The following PRKN variants were observed in gnomAD, a reference collection of about 807,000 sequenced individuals.
PRKN encodes the protein parkin RBR E3 ubiquitin protein ligase.
Under a neutral mutation model 59.5 loss-of-function variants are expected in PRKN, and 56 were observed. The ratio of observed to expected loss-of-function variants is 0.94; its 90% CI spans 0.76 to 1.18. PRKN has a LOEUF of 1.18. PRKN is among the 50% of genes most tolerant of loss of function. The probability of loss-of-function intolerance (pLI) is 0.00; values close to 1 mark genes in which losing one functional copy is unlikely to be tolerated. For synonymous variants in PRKN, 250 were observed against 222.1 expected, an observed-to-expected ratio of 1.13 and a Z score of -1.12; for missense variants, 657 against 596.4, an observed-to-expected ratio of 1.10 and a Z score of -1.06.
rs1053567659 is a variant in PRKN, at chr6:161,480,348, C to T, written c.1083+68506G>A. Among the ~76,000 whole-genome samples, 13 of 151,978 alleles carry T rather than the reference C, an allele frequency of 8.6e-5. No individual in the cohort carries two copies. Among genetic ancestry groups the T allele is most frequent in the African/African-American group, 3.1e-4 (13 of 41,330 alleles). On this transcript the variant is annotated intron_variant, in intron 9 of 11. Transcript: ENST00000366898. This position sits in a 1 kb window ranked among gnomAD's most constrained non-coding sequence, Gnocchi z 4.1. ...TATGGGGCCCTGTGAGTATGGGGCCCTGTGTGACTGTACAGGTCGCACACT... is the reference window on the plus strand; with the variant it reads ...TATGGGGCCCTGTGAGTATGGGGCCTTGTGTGACTGTACAGGTCGCACACT...
chr6:162,130,144 A>G (rs1460648393), intron 4 of PRKN, among the ~76,000 whole-genome samples: 3 of 151,994 alleles, frequency 2.0e-5, no homozygotes, highest in Admixed American at 6.6e-5. Context: ...GGAATCTACC[A>G]CTCTGCAGCC....
chr6:162,296,498 A>G (rs1207514211), intron 2 of PRKN, among the ~76,000 whole-genome samples: 1 of 151,984 alleles, frequency 6.6e-6, no homozygotes, highest in Non-Finnish European at 1.5e-5. Context: ...GAGCTGCCTG[A>G]CTTCCCACTC....
chr6:162,391,809 T>C (rs1218328339), intron 2 of PRKN, among the ~76,000 whole-genome samples: 1 of 152,190 alleles, frequency 6.6e-6, no homozygotes, highest in East Asian at 1.9e-4. Flanking sequence ...GTTTCACACT[T>C]TTTTAACATA....
chr6:161,833,122 G>C (rs1206997787), intron 6 of PRKN, among the ~76,000 whole-genome samples: 1 of 152,136 alleles, frequency 6.6e-6, no homozygotes, highest in Non-Finnish European at 1.5e-5. Context: ...CCGGGAGGAA[G>C]GAGACGGAGC....
intron 3 of PRKN, among the ~76,000 whole-genome samples, chr6:162,211,790 A>G (rs922524781): frequency 6.6e-6 from 1 of 152,214 alleles, no homozygotes; most frequent in African/African-American, 2.4e-5. Flanking sequence ...CAAATAAGAC[A>G]AAACATTCAA....
chr6:161,845,224 GC>G (rs1793151243), intron 6 of PRKN, among the ~76,000 whole-genome samples: 1 of 152,208 alleles, frequency 6.6e-6, no homozygotes, highest in Non-Finnish European at 1.5e-5. Context: ...ACCAGTAGAT[GC>G]CCAGGACAGC....
chr6:161,735,225 C>T (rs1034593974), intron 7 of PRKN, among the ~76,000 whole-genome samples: 1 of 151,982 alleles, frequency 6.6e-6, no homozygotes, highest in Non-Finnish European at 1.5e-5. Flanking sequence ...ACAAGTCCCC[C>T]TCATGTGGAT....
intron 9 of PRKN, among the ~76,000 whole-genome samples, chr6:161,464,242 G>A (rs191285886): frequency 1.1e-3 from 175 of 152,212 alleles, no homozygotes; most frequent in Admixed American, 2.9e-3. Context: ...TTATACTCCC[G>A]ACCTCAGGTA....
chr6:162,671,119 C>A (rs987394010), intron 1 of PRKN, among the ~76,000 whole-genome samples: 6 of 152,086 alleles, frequency 3.9e-5, no homozygotes, highest in African/African-American at 9.7e-5. Context: ...ACCAGAAAAC[C>A]AGTTAATGGA....
chr6:162,431,043 A>G (rs1456045639), intron 2 of PRKN, among the ~76,000 whole-genome samples: 1 of 152,080 alleles, frequency 6.6e-6, no homozygotes, highest in Non-Finnish European at 1.5e-5. Context: ...CGCCGCCTTC[A>G]GTGTTATTAT....
chr6:161,433,336 C>T (rs562564348), intron 9 of PRKN, among the ~76,000 whole-genome samples: 6 of 152,228 alleles, frequency 3.9e-5, no homozygotes, highest in African/African-American at 1.4e-4. Context: ...TTTTGTTTAA[C>T]AAGTAGTCAA....
chr6:162,426,205 A>G (rs1789230625), intron 2 of PRKN, among the ~76,000 whole-genome samples: 1 of 152,226 alleles, frequency 6.6e-6, no homozygotes, highest in Non-Finnish European at 1.5e-5. Flanking sequence ...ATAGTAATAT[A>G]ACAACGTAGT....
At chr6:161,611,539 T>C (rs968218603) in intron 7 of PRKN, among the ~76,000 whole-genome samples, 15 of 152,186 alleles carry the variant, frequency 9.9e-5, no homozygotes, top group African/African-American at 3.1e-4. Context: ...GATGTTACCA[T>C]TGTGATTGTT....
In PRKN at chr6:162,558,327, C is replaced by CTT. The variant is rs71278562; in HGVS notation, c.8-114856_8-114855dup. Among the ~76,000 whole-genome samples, 19 of 132,740 alleles carry CTT rather than the reference C, an allele frequency of 1.4e-4. 1 individual carries two copies. The highest frequency in any genetic ancestry group is 2.3e-4 in the East Asian group (1 of 4,416). The allele number at this position is 132,740 out of a possible 152,430, so 87.1% of individuals were successfully genotyped here. A position where few individuals can be genotyped will look rare whatever the true frequency, so the allele number is the denominator to read the frequency against. ...TTTTAAGCAAATGCTTTAATTTTCC[C>CTT]TTTTTTTTTTTTTTTTTCTGAGACG... On this transcript the variant is annotated intron_variant, in intron 1 of 11. Coordinates refer to ENST00000366898, the MANE Select transcript of PRKN (RefSeq NM_004562.3).
intron 11 of PRKN, among the ~76,000 whole-genome samples, chr6:161,351,570 C>T (rs1784554577): frequency 6.6e-6 from 1 of 152,108 alleles, no homozygotes; most frequent in Admixed American, 6.6e-5. Context: ...AGTCATCCTC[C>T]CGCCTCGGCC....
chr6:161,617,150 C>T (rs757386053), intron 7 of PRKN, among the ~76,000 whole-genome samples: 1 of 152,162 alleles, frequency 6.6e-6, no homozygotes, highest in Non-Finnish European at 1.5e-5. Flanking sequence ...TTCATTTCTC[C>T]AATGACCAGT....
intron 4 of PRKN, among the ~76,000 whole-genome samples, chr6:162,100,634 G>T (rs1430601823): frequency 6.6e-6 from 1 of 151,906 alleles, no homozygotes; most frequent in Non-Finnish European, 1.5e-5. Context: ...TACAGAGAGG[G>T]TTTTGCCATT....
chr6:162,114,238 C>G (rs1207192730), intron 4 of PRKN, among the ~76,000 whole-genome samples: 1 of 152,042 alleles, frequency 6.6e-6, no homozygotes, highest in Admixed American at 6.6e-5. Flanking sequence ...GTATTGTTTT[C>G]CAATTCTGTG....
At chr6:162,288,987 T>G (rs1781313747) in intron 2 of PRKN, among the ~76,000 whole-genome samples, 1 of 152,244 alleles carries the variant, frequency 6.6e-6, no homozygotes, top group South Asian at 2.1e-4. Context: ...GTCTGTAGGG[T>G]TTTACTACAA....
Sources: allele counts gnomAD v4.1 joint callset (sites outside exome capture counted in the v4.1 genomes callset), GRCh38; gene constraint gnomAD v4.1.1; non-coding constraint Gnocchi (gnomAD v3.1); transcripts MANE v1.5; gene names NCBI Gene and HGNC (gene_info 2026-07-23, HGNC 2026-07-21).